The following KCNH8 variants were observed in gnomAD, a reference collection of about 807,000 sequenced individuals.
KCNH8 encodes the protein voltage-gated delayed rectifier potassium channel KCNH8.
In KCNH8, 70 loss-of-function variants were observed where a neutral mutation model predicts 103.6. The ratio of observed to expected loss-of-function variants is 0.68; its 90% CI spans 0.56 to 0.82. The LOEUF is 0.82. Ranked by LOEUF, KCNH8 falls within the 40% of genes least tolerant of loss-of-function variation. KCNH8 has a pLI of 0.00. For synonymous variants in KCNH8, 498 were observed against 489.4 expected (o/e 1.02, Z -0.23); for missense variants, 1,217 against 1,329.9 (o/e 0.92, Z 1.32).
chr3:19,176,316 C>A (rs1395991927), intron 1 of KCNH8, among the ~76,000 whole-genome samples: 10 of 151,984 alleles, frequency 6.6e-5, no homozygotes, highest in Non-Finnish European at 1.3e-4. Flanking sequence ...TACATTGTGC[C>A]CTTACTCTGC....
intron 2 of KCNH8, among the ~76,000 whole-genome samples, chr3:19,261,235 T>C (rs868815809): frequency 6.6e-6 from 1 of 151,786 alleles, no homozygotes; most frequent in African/African-American, 2.4e-5. Flanking sequence ...AAGGGTTCCC[T>C]TTTCTCTGCA....
At chr3:19,378,003 A>T (rs1047198402) in intron 5 of KCNH8, among the ~76,000 whole-genome samples, 1 of 152,150 alleles carries the variant, frequency 6.6e-6, no homozygotes, top group African/African-American at 2.4e-5. Context: ...TGTTCTGGGT[A>T]GTCTATTGAA....
rs147013454 is a variant in KCNH8 at position 19,262,520 on chromosome 3, T to G, written c.310+8633T>G. ...TATTCCCAAAATAACAATTTTAAAT[T>G]TGAAGCACATGTGACTTCCCCATTT... On this transcript the variant is annotated intron_variant, in intron 2 of 15. Transcript: ENST00000328405. Among the ~76,000 whole-genome samples, 169 of 152,144 alleles carry G rather than the reference T, an allele frequency of 1.1e-3. 1 individual carries two copies. Among genetic ancestry groups the G allele is most frequent in the African/African-American group, 3.4e-3 (142 of 41,542 alleles).
intron 3 of KCNH8, among the ~76,000 whole-genome samples, chr3:19,304,759 GTA>G (rs2065108314): frequency 6.6e-6 from 1 of 152,136 alleles, no homozygotes; most frequent in South Asian, 2.1e-4. Flanking sequence ...GTGCTGTCCA[GTA>G]CAGTAACCAC....
intron 1 of KCNH8, among the ~76,000 whole-genome samples, chr3:19,153,525 T>G (rs2063150020): frequency 6.6e-6 from 1 of 152,146 alleles, no homozygotes; most frequent in South Asian, 2.1e-4. Context: ...TATCCTAGAC[T>G]CAACATACTT....
chr3:19,195,548 C>T (rs1388230833), intron 1 of KCNH8, among the ~76,000 whole-genome samples: 2 of 151,956 alleles, frequency 1.3e-5, no homozygotes, highest in Admixed American at 1.3e-4. Context: ...TATCATTTAA[C>T]AATGGAACAT....
At chr3:19,318,666 C>T (rs1468797527) in intron 3 of KCNH8, among the ~76,000 whole-genome samples, 3 of 68,358 alleles carry the variant, frequency 4.4e-5, no homozygotes, top group African/African-American at 6.4e-5. Flanking sequence ...TGTGTGTACA[C>T]ACACACACAC....
At chr3:19,389,552 T>G (rs939646244) in intron 5 of KCNH8, among the ~76,000 whole-genome samples, 1 of 152,140 alleles carries the variant, frequency 6.6e-6, no homozygotes, top group Non-Finnish European at 1.5e-5. Context: ...ACACAGAGAT[T>G]AGTAAAACTT....
intron 11 of KCNH8, among the ~76,000 whole-genome samples, chr3:19,465,695 A>T (rs531534093): frequency 1.3e-5 from 2 of 151,640 alleles, no homozygotes; most frequent in East Asian, 3.9e-4. Flanking sequence ...AGATGCCATT[A>T]AGAATATGTG....
chr3:19,357,943 T>TA (rs373983581), intron 5 of KCNH8, among the ~76,000 whole-genome samples: 1,679 of 151,910 alleles, frequency 0.011, 26 homozygotes, highest in African/African-American at 0.038. Context: ...CTGAATGGGA[T>TA]AAAAAATACA....
intron 8 of KCNH8, among the ~76,000 whole-genome samples, chr3:19,445,998 T>C (rs2067356971): frequency 6.6e-6 from 1 of 152,026 alleles, no homozygotes; most frequent in African/African-American, 2.4e-5. Flanking sequence ...TTGTTATTTC[T>C]ATTTTTTTCT....
At chr3:19,151,972 A>C (rs2063134546) in intron 1 of KCNH8, among the ~76,000 whole-genome samples, 1 of 152,130 alleles carries the variant, frequency 6.6e-6, no homozygotes, top group African/African-American at 2.4e-5. Context: ...AGAAATCTTA[A>C]ATACGTATAC....
In KCNH8 at chr3:19,514,846, G is replaced by C. The variant is rs1346370852; in HGVS notation, c.2436-476G>C. Among the ~76,000 whole-genome samples, 5 of 151,840 alleles carry C rather than the reference G, an allele frequency of 3.3e-5. No homozygotes were observed. The South Asian group carries it at 1.0e-3, about 32-fold the overall frequency. On this transcript the variant is annotated intron_variant, in intron 13 of 15. Coordinates refer to ENST00000328405, the MANE Select transcript of KCNH8 (RefSeq NM_144633.3). ...CTTTTGTACCATACCTTAAAGTTTTGAATCTGAGAATAAGTAAAAGAGCCT... is the reference window on the plus strand; with the variant it reads ...CTTTTGTACCATACCTTAAAGTTTTCAATCTGAGAATAAGTAAAAGAGCCT...
intron 3 of KCNH8, among the ~76,000 whole-genome samples, chr3:19,289,587 C>G (rs1170484324): frequency 1.3e-5 from 2 of 152,038 alleles, no homozygotes; most frequent in African/African-American, 2.4e-5. Context: ...TGGTCTATAT[C>G]TCTGTTTTGG....
At chr3:19,375,336 C>G (rs1016739933) in intron 5 of KCNH8, among the ~76,000 whole-genome samples, 3 of 149,452 alleles carry the variant, frequency 2.0e-5, no homozygotes, top group Admixed American at 6.6e-5. Context: ...AACTTCCCTT[C>G]TCGCTTCATT....
chr3:19,334,158 A>G (rs575622943), intron 3 of KCNH8, among the ~76,000 whole-genome samples: 2 of 152,140 alleles, frequency 1.3e-5, no homozygotes, highest in East Asian at 1.9e-4. Flanking sequence ...TTCTGGGAAG[A>G]GTCACTCACT....
chr3:19,211,703 CTG>C (rs1267744875), intron 1 of KCNH8, among the ~76,000 whole-genome samples: 1 of 152,166 alleles, frequency 6.6e-6, no homozygotes, highest in Non-Finnish European at 1.5e-5. Context: ...GGCTCCAAGA[CTG>C]TGTCAGACAA....
At chr3:19,517,858 C>T (rs2068901495) in intron 14 of KCNH8, 140 bp from the exon 15 acceptor site, 1 of 642,074 alleles carries the variant, frequency 1.6e-6, no homozygotes, top group Non-Finnish European at 2.7e-6. Context: ...TGCCTGATCC[C>T]TAAAAGACAG....
At chr3:19,416,376 C>T (rs1319803089) in intron 7 of KCNH8, among the ~76,000 whole-genome samples, 2 of 151,944 alleles carry the variant, frequency 1.3e-5, no homozygotes, top group Admixed American at 1.3e-4. Flanking sequence ...TTTCAGATTT[C>T]GATTCACTTT....
Sources: allele counts gnomAD v4.1 joint callset (sites outside exome capture counted in the v4.1 genomes callset), GRCh38; gene constraint gnomAD v4.1.1; transcripts MANE v1.5; gene names NCBI Gene and HGNC (gene_info 2026-07-23, HGNC 2026-07-21).